KCNIP4: variants seen among roughly 807,000 people sequenced by gnomAD.
The protein encoded by KCNIP4 is potassium voltage-gated channel interacting protein 4.
A neutral mutation model predicts 34.0 loss-of-function variants in KCNIP4; 12 were observed. The observed-to-expected ratio is 0.35, with a 90% CI of 0.23 to 0.57. The LOEUF (loss-of-function observed/expected upper bound fraction) is 0.57, where lower values mean the gene tolerates loss of function less well. Ranked by LOEUF, KCNIP4 falls within the 20% of genes least tolerant of loss-of-function variation. The pLI is 0.83. For missense variants in KCNIP4, 238 were observed against 311.7 expected, an observed-to-expected ratio of 0.76 and a Z score of 1.78; for synonymous variants, 124 against 102.2, an observed-to-expected ratio of 1.21 and a Z score of -1.29.
At chr4:21,460,864 G>A (rs541157678) in intron 1 of KCNIP4, among the ~76,000 whole-genome samples, 1 of 152,156 alleles carries the variant, frequency 6.6e-6, no homozygotes, top group East Asian at 1.9e-4. Flanking sequence ...GGAATCTTTT[G>A]GGATGTATCC....
rs548819320 is a variant in KCNIP4 at position 20,946,556 on chromosome 4, T to C, written c.62-63847A>G. ...TAGCTCAACTAGTGATCCACTGAGA[T>C]GTAGAAATTGGAATCTTGGAATCTC... On this transcript the variant is annotated intron_variant, in intron 1 of 8. Coordinates refer to ENST00000382152, the MANE Select transcript of KCNIP4 (RefSeq NM_025221.6). Among the ~76,000 whole-genome samples the C allele has an allele frequency of 2.6e-5, 4 of 152,240 alleles. No individual in the cohort carries two copies. The South Asian group carries it at 6.2e-4, about 24-fold the overall frequency.
intron 1 of KCNIP4, among the ~76,000 whole-genome samples, chr4:21,928,207 G>T (rs1226756987): frequency 3.3e-5 from 5 of 151,700 alleles, no homozygotes; most frequent in African/African-American, 4.8e-5. Flanking sequence ...TTGGATCAGT[G>T]ATGAATTAAA....
intron 1 of KCNIP4, among the ~76,000 whole-genome samples, chr4:21,920,504 T>G (rs1021467247): frequency 6.6e-6 from 1 of 152,064 alleles, no homozygotes; most frequent in South Asian, 2.1e-4. Flanking sequence ...AAAGGCTTCA[T>G]AGTGAGTACA....
chr4:20,890,149 T>A (rs1725777107), intron 1 of KCNIP4, among the ~76,000 whole-genome samples: 1 of 152,186 alleles, frequency 6.6e-6, no homozygotes, highest in East Asian at 1.9e-4. Flanking sequence ...GAATGCTAAC[T>A]ATGTGCTAGG....
chr4:20,769,612 A>C (rs1180845018), intron 3 of KCNIP4, among the ~76,000 whole-genome samples: 3 of 152,228 alleles, frequency 2.0e-5, no homozygotes, highest in Admixed American at 2.0e-4. Flanking sequence ...AACTCTAAAC[A>C]ACACAAATGT....
At chr4:21,529,497 A>C (rs111866160) in intron 1 of KCNIP4, among the ~76,000 whole-genome samples, 1 of 152,208 alleles carries the variant, frequency 6.6e-6, no homozygotes, top group African/African-American at 2.4e-5. Flanking sequence ...TTGGAGCTGA[A>C]ACTAATGGAA....
intron 1 of KCNIP4, among the ~76,000 whole-genome samples, chr4:20,944,280 T>C (rs1440992443): frequency 4.6e-5 from 7 of 152,116 alleles, no homozygotes; most frequent in African/African-American, 1.7e-4. Flanking sequence ...ATGTCTATGC[T>C]GAGGGTGATT....
chr4:20,868,119 A>G (rs527320306), intron 2 of KCNIP4, among the ~76,000 whole-genome samples: 1 of 152,202 alleles, frequency 6.6e-6, no homozygotes, highest in South Asian at 2.1e-4. Context: ...TAATACCAAG[A>G]ATCTATACAG....
At chr4:21,078,512 C>A (rs1269304226) in intron 1 of KCNIP4, among the ~76,000 whole-genome samples, 1 of 151,842 alleles carries the variant, frequency 6.6e-6, no homozygotes, top group Non-Finnish European at 1.5e-5. Flanking sequence ...CTTATAAGAG[C>A]ACTAATTCCA....
At chr4:21,269,618 C>T (rs948042555) in intron 1 of KCNIP4, among the ~76,000 whole-genome samples, 6 of 152,138 alleles carry the variant, frequency 3.9e-5, no homozygotes, top group Non-Finnish European at 8.8e-5. Flanking sequence ...TGATCTCCAA[C>T]TCCTGAGCTC....
chr4:20,750,233 C>T (rs1438949467), intron 4 of KCNIP4, among the ~76,000 whole-genome samples: 1 of 152,132 alleles, frequency 6.6e-6, no homozygotes, highest in Non-Finnish European at 1.5e-5. Context: ...CAAAGTCACA[C>T]AGTGAAGAAG....
At chr4:21,216,397 A>T (rs1577902477) in intron 1 of KCNIP4, among the ~76,000 whole-genome samples, 1 of 152,300 alleles carries the variant, frequency 6.6e-6, no homozygotes, top group East Asian at 1.9e-4. Context: ...ACTAACTATA[A>T]GTGTGTTAAT....
intron 1 of KCNIP4, among the ~76,000 whole-genome samples, chr4:21,490,280 T>G (rs1342138532): frequency 1.3e-5 from 2 of 152,168 alleles, no homozygotes; most frequent in East Asian, 3.8e-4. Flanking sequence ...ACTTTTCTTA[T>G]TTGAAAAAAG....
chr4:21,295,765 T>C (rs1763804594), intron 1 of KCNIP4, among the ~76,000 whole-genome samples: 1 of 152,198 alleles, frequency 6.6e-6, no homozygotes, highest in Non-Finnish European at 1.5e-5. Context: ...TGCTTGTCTC[T>C]ATTAAATATT....
intron 1 of KCNIP4, among the ~76,000 whole-genome samples, chr4:21,838,505 T>G (rs1190934480): frequency 6.6e-6 from 1 of 152,236 alleles, no homozygotes; most frequent in Non-Finnish European, 1.5e-5. Flanking sequence ...ATAACTTCCT[T>G]AGTGAATTTC....
chr4:21,721,894 C>T (rs1196427774), intron 1 of KCNIP4, among the ~76,000 whole-genome samples: 1 of 152,188 alleles, frequency 6.6e-6, no homozygotes, highest in African/African-American at 2.4e-5. Flanking sequence ...AAATTATATG[C>T]TGTGTTCATA....
intron 1 of KCNIP4, among the ~76,000 whole-genome samples, chr4:21,528,531 G>T (rs1044368193): frequency 1.3e-5 from 2 of 151,600 alleles, no homozygotes; most frequent in Non-Finnish European, 2.9e-5. Context: ...GCTGGGTGTG[G>T]TGGCGGGCGC....
chr4:21,946,777 T>G (rs185155440), intron 1 of KCNIP4, among the ~76,000 whole-genome samples: 9 of 152,352 alleles, frequency 5.9e-5, no homozygotes, highest in Non-Finnish European at 8.8e-5. Context: ...TGGTCTCACC[T>G]TAGCCAAGGT....
intron 3 of KCNIP4, among the ~76,000 whole-genome samples, chr4:20,782,324 A>G (rs1756945961): frequency 6.6e-6 from 1 of 152,030 alleles, no homozygotes; most frequent in African/African-American, 2.4e-5. Context: ...AGCTCCACTA[A>G]GTGGTGTCCC....
Sources: gnomAD v4.1 joint callset for allele counts (sites outside exome capture counted in the v4.1 genomes callset) on GRCh38, gnomAD v4.1.1 for gene constraint, MANE v1.5 for transcripts, NCBI Gene and HGNC (gene_info 2026-07-23, HGNC 2026-07-21) for gene names.